The following C10orf88 variants were observed in gnomAD, a reference collection of about 807,000 sequenced individuals.
The protein encoded by C10orf88 is ATPase PAAT.
C10orf88 carries 29 observed loss-of-function variants against 34.2 expected under a neutral mutation model. That is an observed-to-expected ratio of 0.85 (90% confidence interval 0.63 to 1.16). The LOEUF is 1.16. Among genes scored for constraint, C10orf88 ranks in the 50% most tolerant of loss-of-function variants. The pLI is 0.00. For synonymous variants in C10orf88, 194 were observed against 197.4 expected (o/e 0.98, Z 0.15); for missense variants, 507 against 533.2 (o/e 0.95, Z 0.48).
intron 5 of C10orf88, among the ~76,000 whole-genome samples, chr10:122,932,867 T>A (rs1848497477): frequency 6.6e-6 from 1 of 152,168 alleles, no homozygotes; most frequent in South Asian, 2.1e-4. Flanking sequence ...TCTTTTTTAG[T>A]ATACAATTGA....
intron 2 of C10orf88, 132 bp from the exon 3 acceptor site, chr10:122,952,158 T>C (rs1200769725): frequency 1.9e-5 from 11 of 569,116 alleles, no homozygotes; most frequent in Admixed American, 3.3e-5. Context: ...GCATGAAGAG[T>C]TGGGCTCCAT....
intron 5 of C10orf88, 36 bp from the exon 6 acceptor site, chr10:122,932,697 C>G (rs1196148654): frequency 1.4e-6 from 2 of 1,432,128 alleles, no homozygotes; most frequent in East Asian, 2.4e-5. Flanking sequence ...TAAATTTTCC[C>G]TAATAACAAA....
At chr10:122,937,256 G>A (rs2133328996) in intron 5 of C10orf88, among the ~76,000 whole-genome samples, 2 of 152,112 alleles carry the variant, frequency 1.3e-5, no homozygotes, top group Middle Eastern at 6.8e-3. Context: ...TAAACTACAA[G>A]TGATTATTAT....
intron 5 of C10orf88, among the ~76,000 whole-genome samples, chr10:122,935,622 T>A (rs1848528010): frequency 6.6e-6 from 1 of 151,856 alleles, no homozygotes; most frequent in South Asian, 2.1e-4. Flanking sequence ...AATTCTCCAT[T>A]TCTAAATTTT....
At chr10:122,938,394 C>T (rs1274438045) in intron 4 of C10orf88, among the ~76,000 whole-genome samples, 1 of 152,024 alleles carries the variant, frequency 6.6e-6, no homozygotes, top group Non-Finnish European at 1.5e-5. Flanking sequence ...GGTCACTTAA[C>T]TCCACAGTCA....
rs753930091 is a variant in C10orf88 at position 122,953,067 on chromosome 10, T to G, written c.165-35A>C. On this transcript the variant is annotated intron_variant, in intron 1 of 5. Transcript: ENST00000481909. The stretch of plus-strand genomic sequence containing the variant: ...AAATTGGTGAAAACATCACACAGTA[T>G]AGTTCTCTGAACATGACTCTTCTTT... 2.0e-6 allele frequency: 3 copies of G among 1,507,374 alleles called. No individual in the cohort carries two copies. The African/African-American group carries it at 4.1e-5, about 21-fold the overall frequency. The allele number at this position is 1,507,374 out of a possible 1,614,324, so 93.4% of individuals were successfully genotyped here. A position where few individuals can be genotyped will look rare whatever the true frequency, so the allele number is the denominator to read the frequency against.
chr10:122,953,585 C>T (rs1185588644), intron 1 of C10orf88, among the ~76,000 whole-genome samples: 1 of 152,250 alleles, frequency 6.6e-6, no homozygotes, highest in African/African-American at 2.4e-5. Context: ...TGGGCACCTA[C>T]TGGGTGCAGG....
intron 5 of C10orf88, among the ~76,000 whole-genome samples, chr10:122,932,966 T>C (rs1848498336): frequency 6.6e-6 from 1 of 152,206 alleles, no homozygotes; most frequent in Admixed American, 6.5e-5. Flanking sequence ...AAAACTGATC[T>C]GGCCCAATTT....
rs561999886 is a variant in C10orf88 at position 122,934,166 on chromosome 10, C to T, written c.1104-1505G>A. ...CCTCCCAATGGTCACATCTTATCTA[C>T]CTATAATCCAATATCAAAACCAGGA... On this transcript the variant is annotated intron_variant, in intron 5 of 5. Coordinates refer to ENST00000481909, the MANE Select transcript of C10orf88 (RefSeq NM_024942.4). Among the ~76,000 whole-genome samples the T allele has an allele frequency of 7.8e-4, 119 of 152,230 alleles. No individual in the cohort carries two copies. The Middle Eastern group carries it at 0.017, about 22-fold the overall frequency.
intron 3 of C10orf88, 68 bp from the exon 4 acceptor site, chr10:122,948,923 G>GTTTAGGTCATACCAAGAA: frequency 7.3e-7 from 1 of 1,364,710 alleles, no homozygotes; most frequent in Non-Finnish European, 1.0e-6. Flanking sequence ...GTAACTTCTT[G>GTTTAGGTCATACCAAGAA]GTATGACCTA....
At chr10:122,934,011 G>A (rs1297256887) in intron 5 of C10orf88, among the ~76,000 whole-genome samples, 1 of 151,954 alleles carries the variant, frequency 6.6e-6, no homozygotes. Flanking sequence ...AGAGTGTAAA[G>A]ACCAAAAGTC....
chr10:122,949,284 T>C (rs955433550), intron 3 of C10orf88, among the ~76,000 whole-genome samples: 6 of 152,204 alleles, frequency 3.9e-5, no homozygotes, highest in Non-Finnish European at 5.9e-5. Context: ...AAATTAGGTA[T>C]AGTAAGAGTT....
Position 122,932,207 on chromosome 10 carries a change from A to G in C10orf88, c.*220T>C, listed in dbSNP as rs1453293246. On this transcript the variant is annotated 3_prime_UTR_variant, in exon 6 of 6. Transcript: ENST00000481909. ...ACATACATTTCTGTAAGACTGAAAA[A>G]TATCGTGAGCAAAAATAATTTGACT... is the stretch of plus-strand genomic sequence containing the variant. 9 of 415,802 alleles carry G rather than the reference A, an allele frequency of 2.2e-5. 1 individual carries two copies. The highest frequency in any genetic ancestry group is 3.9e-5 in the Non-Finnish European group (9 of 233,680). 25.8% of individuals were successfully genotyped at this position (415,802 alleles called of 1,614,324 possible).
rs757563210 is a variant in C10orf88 at position 122,932,585 on chromosome 10, T to C, written c.1180A>G (p.Met394Val). The C allele has an allele frequency of 1.2e-6, 2 of 1,613,800 alleles. No homozygotes were observed. The highest frequency in any genetic ancestry group is 2.7e-5 in the African/African-American group (2 of 74,926). ...KNMELMEKKLMDYIDQRIHEL... is the reference protein window; with the variant it reads ...KNMELMEKKLVDYIDQRIHEL... ...TGTATTCGCTGATCAATGTAATCCATAAGTTTCTTTTCCATCAGTTCCATA... is the reference window on the plus strand; with the variant it reads ...TGTATTCGCTGATCAATGTAATCCACAAGTTTCTTTTCCATCAGTTCCATA... The change falls in exon 6 of 6, where the codon ATG (methionine) becomes GTG (valine). Residue 394 changes from methionine to valine, a missense_variant. Transcript: ENST00000481909.
Position 122,931,924 on chromosome 10 carries a change from A to T in C10orf88, c.*503T>A, listed in dbSNP as rs926599181. On this transcript the variant is annotated 3_prime_UTR_variant, in exon 6 of 6. Coordinates refer to ENST00000481909, the MANE Select transcript of C10orf88 (RefSeq NM_024942.4). ...ACTAAGTTTACACATGCCAAATATCACATCTTATTCATTATCTCACACAAG... is the reference window on the plus strand; with the variant it reads ...ACTAAGTTTACACATGCCAAATATCTCATCTTATTCATTATCTCACACAAG... 1 of 152,764 alleles carries T rather than the reference A, an allele frequency of 6.5e-6. No individual in the cohort carries two copies. Among genetic ancestry groups the T allele is most frequent in the Admixed American group, 6.5e-5 (1 of 15,284 alleles). The allele number at this position is 152,764 out of a possible 1,614,324, so 9.5% of individuals were successfully genotyped here.
intron 4 of C10orf88, among the ~76,000 whole-genome samples, chr10:122,942,495 T>C (rs1269667755): frequency 6.6e-6 from 1 of 151,966 alleles, no homozygotes; most frequent in Non-Finnish European, 1.5e-5. Context: ...ACCACTCCTA[T>C]TCAACATAGT....
At chr10:122,945,177 T>C (rs1350783912) in intron 4 of C10orf88, among the ~76,000 whole-genome samples, 1 of 151,920 alleles carries the variant, frequency 6.6e-6, no homozygotes, top group African/African-American at 2.4e-5. Context: ...CCCATAAGAT[T>C]ACAATGGAGC....
chr10:122,939,361 CAAGAA>C (rs1436665406), intron 4 of C10orf88, among the ~76,000 whole-genome samples: 1 of 150,032 alleles, frequency 6.7e-6, no homozygotes, highest in African/African-American at 2.5e-5. Context: ...AGAAAAAAGT[CAAGAA>C]AAGAAAAGAA....
intron 2 of C10orf88, 92 bp downstream of exon 2, chr10:122,952,737 A>G (rs1253900194): frequency 1.4e-6 from 2 of 1,448,760 alleles, no homozygotes; most frequent in Admixed American, 1.8e-5. Flanking sequence ...AACATATGGT[A>G]TCAATATCAG....
Sources: allele counts gnomAD v4.1 joint callset (sites outside exome capture counted in the v4.1 genomes callset), GRCh38; gene constraint gnomAD v4.1.1; transcripts MANE v1.5; gene names NCBI Gene and HGNC (gene_info 2026-07-23, HGNC 2026-07-21).